The following HDAC9 variants were observed in gnomAD, a reference collection of about 807,000 sequenced individuals.
HDAC9 encodes MEF-2 interacting transcription repressor (MITR) protein.
HDAC9 carries 41 observed loss-of-function variants against 139.4 expected under a neutral mutation model. The ratio of observed to expected loss-of-function variants is 0.29; its 90% confidence interval spans 0.23 to 0.38. The LOEUF (loss-of-function observed/expected upper bound fraction) is 0.38. HDAC9 is among the 10% of genes least tolerant of loss of function. HDAC9 has a pLI of 1.00. For missense variants in HDAC9, 1,147 were observed against 1,297.0 expected (o/e 0.88, Z 1.78); for synonymous variants, 517 against 476.2 (o/e 1.09, Z -1.12).
intron 2 of HDAC9, among the ~76,000 whole-genome samples, chr7:18,212,927 T>G (rs914507546): frequency 1.3e-5 from 2 of 152,226 alleles, no homozygotes; most frequent in Admixed American, 6.5e-5. Context: ...AGTTCTGAGA[T>G]GCTGCTTAAT....
rs143713140 is a variant in HDAC9 at position 18,874,082 on chromosome 7, C to G, written c.2685-396C>G. ...CAAATTTACACCAAGTTCTCACTAA[C>G]TGGAGCAAGCCGGGTTTTCACTAAA... On this transcript the variant is annotated intron_variant, in intron 21 of 25. Coordinates refer to ENST00000686413, the MANE Select transcript of HDAC9 (RefSeq NM_178425.4). 1.9e-4 allele frequency among the ~76,000 whole-genome samples: 29 copies of G among 151,914 alleles called. No homozygotes were observed. The East Asian group carries it at 5.2e-3, about 27-fold the overall frequency.
intron 2 of HDAC9, among the ~76,000 whole-genome samples, chr7:18,557,905 T>C (rs1193069908): frequency 1.3e-5 from 2 of 152,000 alleles, no homozygotes; most frequent in African/African-American, 2.4e-5. Context: ...TACTACCTGC[T>C]GAACTTGAAA....
intron 2 of HDAC9, among the ~76,000 whole-genome samples, chr7:18,170,278 A>G (rs1405920246): frequency 2.0e-5 from 3 of 152,200 alleles, no homozygotes; most frequent in Non-Finnish European, 4.4e-5. Flanking sequence ...GTGTCTGTTC[A>G]TATCCTTTGC....
At chr7:18,626,515 T>G (rs555291986) in intron 6 of HDAC9, among the ~76,000 whole-genome samples, 1 of 152,170 alleles carries the variant, frequency 6.6e-6, no homozygotes, top group East Asian at 1.9e-4. Context: ...TATAAAGTAA[T>G]TCATCCAGGC....
intron 1 of HDAC9, among the ~76,000 whole-genome samples, chr7:18,141,189 A>C (rs559210039): frequency 6.6e-6 from 1 of 152,340 alleles, no homozygotes; most frequent in East Asian, 1.9e-4. Flanking sequence ...TTCCCTTGCT[A>C]GTTTCAGTAC....
At chr7:18,823,334 G>A (rs1368508381) in intron 17 of HDAC9, among the ~76,000 whole-genome samples, 1 of 152,194 alleles carries the variant, frequency 6.6e-6, no homozygotes, top group African/African-American at 2.4e-5. Flanking sequence ...TCATCTGAAA[G>A]GATGGGAGAG....
In HDAC9 at chr7:18,892,723, G is replaced by A. The variant is rs112412581; in HGVS notation, c.2803+18127G>A. ...TTTATTAAAGGATAATTTTTAAGAA[G>A]CAATACAAAGTGGGAAAAGGAGAAT... is the stretch of plus-strand genomic sequence containing the variant. On this transcript the variant is annotated intron_variant, in intron 22 of 25. Coordinates refer to ENST00000686413, the MANE Select transcript of HDAC9 (RefSeq NM_178425.4). 68 of 152,210 alleles carry A rather than the reference G, an allele frequency of 4.5e-4. 1 individual carries two copies. Among genetic ancestry groups the A allele is most frequent in the African/African-American group, 1.6e-3 (65 of 41,532 alleles). The allele number at this position is 152,210 out of a possible 1,614,324, so 9.4% of individuals were successfully genotyped here.
intron 13 of HDAC9, among the ~76,000 whole-genome samples, chr7:18,746,376 G>A (rs1219258901): frequency 6.6e-6 from 1 of 152,006 alleles, no homozygotes; most frequent in African/African-American, 2.4e-5. Flanking sequence ...CTTCCTTCCT[G>A]CTTGCCTGCT....
chr7:18,669,125 G>T (rs1584802563), intron 12 of HDAC9, among the ~76,000 whole-genome samples: 3 of 151,360 alleles, frequency 2.0e-5, no homozygotes, highest in Admixed American at 2.0e-4. Context: ...TATCATGTTT[G>T]GTATTTAAAT....
intron 1 of HDAC9, among the ~76,000 whole-genome samples, chr7:18,111,156 G>A (rs1783594860): frequency 6.6e-6 from 1 of 152,196 alleles, no homozygotes; most frequent in East Asian, 1.9e-4. Context: ...CTTAGTGGGA[G>A]AGACAGACGT....
chr7:18,391,153 G>A lies in HDAC9; in HGVS notation c.-42+100638G>A, dbSNP rs182857381. Among the ~76,000 whole-genome samples the A allele has an allele frequency of 1.9e-3, 286 of 152,248 alleles. 1 individual carries two copies. The highest frequency in any genetic ancestry group is 5.2e-3 in the Admixed American group (79 of 15,298). On this transcript the variant is annotated intron_variant, in intron 1 of 3. Transcript: ENST00000413509. ...TAATCCTAGCACTTTGGGAGGCTGA[G>A]GTGAGCAGATCACCTGAGGTCAGGA... is the stretch of plus-strand genomic sequence containing the variant.
intron 1 of HDAC9, among the ~76,000 whole-genome samples, chr7:18,294,385 A>G (rs759114086): frequency 5.3e-5 from 8 of 152,142 alleles, no homozygotes; most frequent in Non-Finnish European, 8.8e-5. Flanking sequence ...GTATTAATTT[A>G]ACATGTGATA....
chr7:18,924,487 T>C (rs938426400), intron 22 of HDAC9, among the ~76,000 whole-genome samples: 2 of 152,118 alleles, frequency 1.3e-5, no homozygotes, highest in Non-Finnish European at 2.9e-5. Context: ...TAGATACTTA[T>C]CTTTTAAAAT....
intron 1 of HDAC9, among the ~76,000 whole-genome samples, chr7:18,147,410 G>A (rs1394610868): frequency 6.6e-6 from 1 of 152,096 alleles, no homozygotes; most frequent in Non-Finnish European, 1.5e-5. Flanking sequence ...CTTTTAATTG[G>A]CAAGTTAATA....
chr7:18,837,643 C>A (rs1186708536), intron 21 of HDAC9, among the ~76,000 whole-genome samples: 3 of 152,010 alleles, frequency 2.0e-5, no homozygotes, highest in African/African-American at 7.2e-5. Flanking sequence ...ATTTGGGGTA[C>A]TATAGCTTTA....
At chr7:18,492,955 G>A (rs1295174183), upstream of HDAC9, among the ~76,000 whole-genome samples, 1 of 151,848 alleles carries the variant, frequency 6.6e-6, no homozygotes, top group Non-Finnish European at 1.5e-5. Context: ...TTAAATAAAA[G>A]AGAAGATGGC....
chr7:18,183,271 A>G (rs966858563), intron 2 of HDAC9, among the ~76,000 whole-genome samples: 2 of 152,186 alleles, frequency 1.3e-5, no homozygotes, highest in African/African-American at 2.4e-5. Flanking sequence ...GGCCTCCCAA[A>G]GTGCTGGGAT....
intron 1 of HDAC9, among the ~76,000 whole-genome samples, chr7:18,094,181 A>C (rs1782349791): frequency 6.6e-6 from 1 of 152,182 alleles, no homozygotes; most frequent in African/African-American, 2.4e-5. Flanking sequence ...ATCTGGGTTC[A>C]GGTGTCCACC....
intron 2 of HDAC9, among the ~76,000 whole-genome samples, chr7:18,173,481 T>C (rs10243874): frequency 0.14 from 20,935 of 152,158 alleles, 2,329 homozygotes; most frequent in African/African-American, 0.31. Context: ...ATGTGTGTAT[T>C]TGATCCTGTC....
Sources: gnomAD v4.1 joint callset for allele counts (sites outside exome capture counted in the v4.1 genomes callset) on GRCh38, gnomAD v4.1.1 for gene constraint, MANE v1.5 for transcripts, NCBI Gene and HGNC (gene_info 2026-07-23, HGNC 2026-07-21) for gene names.